FOXP2: variants seen among roughly 807,000 people sequenced by gnomAD.
The protein encoded by FOXP2 is forkhead box P2.
In FOXP2, 12 loss-of-function variants were observed where a neutral mutation model predicts 115.8. That is an observed-to-expected ratio of 0.10 (90% CI 0.07 to 0.17). The LOEUF (loss-of-function observed/expected upper bound fraction) is 0.17. FOXP2 is among the 10% of genes least tolerant of loss of function. The pLI is 1.00. For missense variants in FOXP2, 629 were observed against 843.5 expected (o/e 0.75, Z 3.15); for synonymous variants, 328 against 297.7 (o/e 1.10, Z -1.05).
intron 3 of FOXP2, among the ~76,000 whole-genome samples, chr7:114,605,645 C>T (rs1202898578): frequency 1.3e-5 from 2 of 152,020 alleles, no homozygotes; most frequent in African/African-American, 2.4e-5. Flanking sequence ...TTGGGTTGAT[C>T]GAGGTGTTTG....
intron 2 of FOXP2, among the ~76,000 whole-genome samples, chr7:114,469,088 A>G (rs1313961441): frequency 1.3e-5 from 2 of 151,824 alleles, no homozygotes; most frequent in South Asian, 2.1e-4. Flanking sequence ...CTCCTGTTCA[A>G]CTCTTCCTCT....
chr7:114,277,532 A>C (rs1306276127), intron 1 of FOXP2, among the ~76,000 whole-genome samples: 1 of 152,112 alleles, frequency 6.6e-6, no homozygotes, highest in Admixed American at 6.6e-5. Context: ...ATTAAAAAAA[A>C]CCAAACCCCT....
intron 6 of FOXP2, among the ~76,000 whole-genome samples, chr7:114,632,290 C>A (rs370138561): frequency 2.0e-5 from 3 of 152,284 alleles, no homozygotes; most frequent in East Asian, 1.9e-4. Flanking sequence ...TTTAAAAAAT[C>A]TGTCAACTGT....
At chr7:114,424,480 C>G (rs971336056) in intron 1 of FOXP2, among the ~76,000 whole-genome samples, 1 of 151,454 alleles carries the variant, frequency 6.6e-6, no homozygotes, top group African/African-American at 2.4e-5. Flanking sequence ...TTATGCCTAT[C>G]TGTTTCTACA....
rs978076500 is a variant in FOXP2 at position 114,652,417 on chromosome 7, A to G, written c.1182+127A>G. 13 of 787,650 alleles carry G rather than the reference A, an allele frequency of 1.7e-5. No individual in the cohort carries two copies. The African/African-American group carries it at 1.9e-4, about 11-fold the overall frequency. 48.8% of individuals were successfully genotyped at this position (787,650 alleles called of 1,614,324 possible). On this transcript the variant is annotated intron_variant, in intron 9 of 16. Transcript: ENST00000350908. Reference sequence around the variant, plus strand: ...AGCCATTCAATACTAATGGAGATACATGATATTTTAGATTGTTTTAAACAG... The same window carrying G: ...AGCCATTCAATACTAATGGAGATACGTGATATTTTAGATTGTTTTAAACAG...
chr7:114,218,981 T>C (rs1190937365), intron 1 of FOXP2, among the ~76,000 whole-genome samples: 1 of 152,108 alleles, frequency 6.6e-6, no homozygotes, highest in Non-Finnish European at 1.5e-5. Context: ...TGCAGTCTCC[T>C]CCCCAAACCA....
upstream of FOXP2, among the ~76,000 whole-genome samples, chr7:114,413,610 G>C (rs1007376718): frequency 6.6e-6 from 1 of 152,124 alleles, no homozygotes. Flanking sequence ...CCTTTCAGGG[G>C]AGGTGGAGAA....
At chr7:114,127,082 C>T (rs968394523) in intron 1 of FOXP2, among the ~76,000 whole-genome samples, 2 of 152,122 alleles carry the variant, frequency 1.3e-5, no homozygotes, top group African/African-American at 2.4e-5. Context: ...TGTTTCATTC[C>T]AATCTCACGT....
At chr7:114,480,533 A>G (rs1313603793) in intron 2 of FOXP2, among the ~76,000 whole-genome samples, 2 of 150,330 alleles carry the variant, frequency 1.3e-5, no homozygotes, top group African/African-American at 4.9e-5. Context: ...ATATATATGC[A>G]CACACACATA....
At chr7:114,318,250 A>T (rs1440870219) in intron 2 of FOXP2, among the ~76,000 whole-genome samples, 1 of 152,022 alleles carries the variant, frequency 6.6e-6, no homozygotes, top group Admixed American at 6.6e-5. Context: ...TCTCCTCTGG[A>T]AATGCTTCTC....
intron 1 of FOXP2, among the ~76,000 whole-genome samples, chr7:114,146,480 G>C (rs954307051): frequency 6.6e-6 from 1 of 152,158 alleles, no homozygotes; most frequent in Admixed American, 6.6e-5. Flanking sequence ...CTGTTAATCA[G>C]TACAGGCAAT....
chr7:114,251,262 A>T (rs1389103041), intron 1 of FOXP2, among the ~76,000 whole-genome samples: 1 of 152,150 alleles, frequency 6.6e-6, no homozygotes, highest in African/African-American at 2.4e-5. Flanking sequence ...TTGGCTTAGG[A>T]TTGACTTGGC....
At chr7:114,120,608 A>G (rs977162688) in intron 1 of FOXP2, among the ~76,000 whole-genome samples, 4 of 151,882 alleles carry the variant, frequency 2.6e-5, no homozygotes, top group Admixed American at 2.0e-4. Context: ...GGTGACAATG[A>G]TAATAGTTAA....
At chr7:114,542,352 T>A (rs1473951427) in intron 3 of FOXP2, among the ~76,000 whole-genome samples, 3 of 152,194 alleles carry the variant, frequency 2.0e-5, no homozygotes, top group African/African-American at 7.2e-5. Flanking sequence ...TGCCCATTCT[T>A]ACAATCCAGT....
At chr7:114,217,190 T>C (rs569234745) in intron 1 of FOXP2, among the ~76,000 whole-genome samples, 1 of 152,320 alleles carries the variant, frequency 6.6e-6, no homozygotes, top group South Asian at 2.1e-4. Context: ...ATTATCAGTT[T>C]ATTGTCATTA....
chr7:114,470,206 C>G (rs1172314632), intron 2 of FOXP2, among the ~76,000 whole-genome samples: 1 of 152,154 alleles, frequency 6.6e-6, no homozygotes, highest in East Asian at 1.9e-4. Flanking sequence ...TCCCATTGCT[C>G]TCTTAGCTGC....
At chr7:114,144,171 T>C (rs1210335683) in intron 1 of FOXP2, among the ~76,000 whole-genome samples, 6 of 152,182 alleles carry the variant, frequency 3.9e-5, no homozygotes, top group African/African-American at 1.4e-4. Flanking sequence ...ATTAGGTGTA[T>C]TCAGCAACGA....
intron 1 of FOXP2, among the ~76,000 whole-genome samples, chr7:114,267,608 T>C (rs1728435): frequency 0.016 from 2,399 of 151,630 alleles, 31 homozygotes; most frequent in African/African-American, 0.029. Context: ...GTGCCTGTAG[T>C]CCCAACTACT....
chr7:114,577,866 T>C (rs1801655685), intron 3 of FOXP2, among the ~76,000 whole-genome samples: 1 of 151,908 alleles, frequency 6.6e-6, no homozygotes. Context: ...CATAAGAGAT[T>C]ATAATAAAGG....
Sources: allele counts gnomAD v4.1 joint callset (sites outside exome capture counted in the v4.1 genomes callset), GRCh38; gene constraint gnomAD v4.1.1; transcripts MANE v1.5; gene names NCBI Gene and HGNC (gene_info 2026-07-23, HGNC 2026-07-21).